Variants in SERPING1 observed in about 807,000 individuals in gnomAD.
The protein encoded by SERPING1 is plasma protease C1 inhibitor.
A neutral mutation model predicts 34.1 loss-of-function variants in SERPING1; 5 were observed. The ratio of observed to expected loss-of-function variants is 0.15; its 90% CI spans 0.08 to 0.31. The LOEUF (loss-of-function observed/expected upper bound fraction) is 0.31. Among genes scored for constraint, SERPING1 ranks in the 10% least tolerant of loss-of-function variants. The probability of loss-of-function intolerance (pLI) is 1.00; values close to 1 mark genes in which losing one functional copy is unlikely to be tolerated. For synonymous variants in SERPING1, 225 were observed against 242.4 expected (o/e 0.93, Z 0.67); for missense variants, 505 against 609.5 (o/e 0.83, Z 1.81).
rs138770460 is a variant in SERPING1 at position 57,608,658 on chromosome 11, G to A, written c.1029+2111G>A. On this transcript the variant is annotated intron_variant, in intron 6 of 7. Coordinates refer to ENST00000278407, the MANE Select transcript of SERPING1 (RefSeq NM_000062.3). ...CTCCCTAGTAGCTGGGATTATAGGT[G>A]CCTGCCACCACTCCCAGCTAATTTT... Among the ~76,000 whole-genome samples the A allele has an allele frequency of 0.21, 32,104 of 151,748 alleles. 3,878 individuals carry two copies. Among genetic ancestry groups the A allele is most frequent in the Non-Finnish European group, 0.27 (18,553 of 67,874 alleles).
At chr11:57,613,373 A>C (rs965172939) in intron 7 of SERPING1, among the ~76,000 whole-genome samples, 1 of 152,172 alleles carries the variant, frequency 6.6e-6, no homozygotes, top group African/African-American at 2.4e-5. Flanking sequence ...CAGTTACAAG[A>C]CTGGGTTGTC....
intron 1 of SERPING1, chr11:57,597,951 T>G: frequency 8.1e-6 from 3 of 369,480 alleles, no homozygotes; most frequent in Non-Finnish European, 5.1e-6. Context: ...TCTGGCCTCA[T>G]TGTTTGGTTA....
chr11:57,603,688 A>G (rs1408327185), intron 4 of SERPING1, among the ~76,000 whole-genome samples: 1 of 149,754 alleles, frequency 6.7e-6, no homozygotes, highest in Admixed American at 6.7e-5. Context: ...AAAATACAAA[A>G]CTTAGCCGGG....
At chr11:57,598,555 G>A (rs1945313695) in intron 2 of SERPING1, among the ~76,000 whole-genome samples, 1 of 152,120 alleles carries the variant, frequency 6.6e-6, no homozygotes, top group Non-Finnish European at 1.5e-5. Flanking sequence ...GCGCAGCGTG[G>A]TCCTGAGGAC....
chr11:57,613,497 T>A (rs1002803104), intron 7 of SERPING1, among the ~76,000 whole-genome samples: 3 of 152,168 alleles, frequency 2.0e-5, no homozygotes, highest in African/African-American at 7.2e-5. Context: ...CATTTACTGG[T>A]TTATTATGTA....
chr11:57,612,272 T>C (rs1467933632), intron 7 of SERPING1, among the ~76,000 whole-genome samples: 1 of 152,010 alleles, frequency 6.6e-6, no homozygotes, highest in Non-Finnish European at 1.5e-5. Context: ...GTAACCGAGG[T>C]GAATTATGGA....
chr11:57,604,605 T>A (rs1345504361), intron 4 of SERPING1, among the ~76,000 whole-genome samples: 1 of 152,104 alleles, frequency 6.6e-6, no homozygotes, highest in East Asian at 1.9e-4. Context: ...TCTGCTGCTT[T>A]AAAATGTTTG....
chr11:57,606,815 A>G (rs1482932678), intron 6 of SERPING1: 2 of 658,698 alleles, frequency 3.0e-6, no homozygotes, highest in Admixed American at 4.1e-5. Flanking sequence ...TCGTGTTCCT[A>G]TTCTACACAT....
At chr11:57,605,925 A>G (rs1945403724) in intron 4 of SERPING1, 85 bp from the exon 5 acceptor site, 3 of 1,244,896 alleles carry the variant, frequency 2.4e-6, no homozygotes, top group Non-Finnish European at 3.5e-6. Context: ...ATAGAACCAT[A>G]GAAAGCATGC....
At chr11:57,614,041 C>G (rs1590831088) in intron 7 of SERPING1, among the ~76,000 whole-genome samples, 1 of 152,154 alleles carries the variant, frequency 6.6e-6, no homozygotes. Flanking sequence ...GATCTATTAC[C>G]TCACTTCCAA....
chr11:57,604,822 TAGAC>T (rs1188106867), intron 4 of SERPING1, among the ~76,000 whole-genome samples: 7 of 151,978 alleles, frequency 4.6e-5, no homozygotes, highest in African/African-American at 1.5e-4. Flanking sequence ...CTGGGCAACA[TAGAC>T]AGACCTCATC....
intron 4 of SERPING1, 72 bp from the exon 5 acceptor site, chr11:57,605,938 A>G: frequency 1.5e-6 from 2 of 1,337,988 alleles, no homozygotes; most frequent in African/African-American, 1.4e-5. Context: ...AAGCATGCTC[A>G]CTCTCAAATC....
At position 57,605,831 on chromosome 11, in the gene SERPING1, A is replaced by G. The variant is rs189335964; in HGVS notation, c.686-179A>G. 1.6e-3 allele frequency: 1,125 copies of G among 693,900 alleles called. 7 individuals are homozygous for G. Among genetic ancestry groups the G allele is most frequent in the South Asian group, 6.1e-3 (382 of 62,944 alleles). The allele number at this position is 693,900 out of a possible 1,614,324, so 43.0% of individuals were successfully genotyped here. A position where few individuals can be genotyped will look rare whatever the true frequency, so the allele number is the denominator to read the frequency against. On this transcript the variant is annotated intron_variant, in intron 4 of 7. Transcript: ENST00000278407. ...TTCTCTTGTTCTTGGTTCTGGGTTTACCTTCTTTGGGCCTTATTTGCCACA... is the reference window on the plus strand; with the variant it reads ...TTCTCTTGTTCTTGGTTCTGGGTTTGCCTTCTTTGGGCCTTATTTGCCACA...
At chr11:57,597,844 C>T (rs1473942258) in intron 1 of SERPING1, 122 bp downstream of exon 1, 3 of 177,366 alleles carry the variant, frequency 1.7e-5, no homozygotes, top group East Asian at 2.9e-4. Context: ...TCTCTATAGG[C>T]TTGCTTCCAC....
intron 6 of SERPING1, among the ~76,000 whole-genome samples, chr11:57,608,328 A>G (rs1945435230): frequency 6.6e-6 from 1 of 152,232 alleles, no homozygotes; most frequent in African/African-American, 2.4e-5. Flanking sequence ...AGTTTCACAC[A>G]AAACTCTAAA....
intron 6 of SERPING1, among the ~76,000 whole-genome samples, chr11:57,609,261 C>A (rs1163351092): frequency 6.6e-6 from 1 of 151,594 alleles, no homozygotes; most frequent in Non-Finnish European, 1.5e-5. Flanking sequence ...CTGGGCAACA[C>A]AGCAAGACTC....
chr11:57,599,940 A>C lies in SERPING1; in HGVS notation c.113A>C (p.Gln38Pro), dbSNP rs1239166874. The C allele has an allele frequency of 6.2e-7, 1 of 1,614,090 alleles. No homozygotes were observed. The highest frequency in any genetic ancestry group is 8.5e-7 in the Non-Finnish European group (1 of 1,180,044). The change falls in exon 3 of 8, where the codon CAA becomes CCA. Residue 38 changes from glutamine to proline, a missense_variant. Coordinates refer to ENST00000278407, the MANE Select transcript of SERPING1 (RefSeq NM_000062.3). ...SSSSQDPESL[Q>P]DRGEGKVATT... is the part of the protein sequence containing the mutation. ...AGCTCCCAGGATCCAGAGAGTTTGC[A>C]AGACAGAGGCGAAGGGAAGGTCGCA... is the stretch of plus-strand genomic sequence containing the variant.
At chr11:57,603,521 T>C (rs1025929680) in intron 4 of SERPING1, among the ~76,000 whole-genome samples, 1 of 150,342 alleles carries the variant, frequency 6.7e-6, no homozygotes, top group African/African-American at 2.5e-5. Context: ...CACTCCAGCC[T>C]GGATGACAGA....
intron 6 of SERPING1, 60 bp downstream of exon 6, chr11:57,606,607 T>C (rs773223700): frequency 1.6e-5 from 25 of 1,557,124 alleles, no homozygotes; most frequent in Non-Finnish European, 2.2e-5. Context: ...TGACTTTTTT[T>C]CTGCTGTAGT....
Sources: gnomAD v4.1 joint callset for allele counts (sites outside exome capture counted in the v4.1 genomes callset) on GRCh38, gnomAD v4.1.1 for gene constraint, MANE v1.5 for transcripts, NCBI Gene and HGNC (gene_info 2026-07-23, HGNC 2026-07-21) for gene names.